The following MED16 variants were observed in gnomAD, a reference collection of about 807,000 sequenced individuals.
MED16 encodes mediator of RNA polymerase II transcription subunit 16.
Under a neutral mutation model 84.4 loss-of-function variants are expected in MED16, and 81 were observed. That is an observed-to-expected ratio of 0.96 (90% CI 0.80 to 1.15). MED16 has a LOEUF of 1.15. MED16 is among the 50% of genes most tolerant of loss of function. The probability of loss-of-function intolerance (pLI) is 0.00; values close to 1 mark genes in which losing one functional copy is unlikely to be tolerated. For missense variants in MED16, 1,585 were observed against 1,245.9 expected (o/e 1.27, Z -4.10); for synonymous variants, 897 against 552.2 (o/e 1.62, Z -8.76).
chr19:878,226 T>C (rs1161193853), intron 8 of MED16, among the ~76,000 whole-genome samples: 2 of 103,520 alleles, frequency 1.9e-5, no homozygotes, highest in African/African-American at 3.8e-5. Context: ...TGGTTGTCAA[T>C]GCCCACCAGC....
In MED16 at chr19:875,336, AG is replaced by A; in HGVS notation, c.1678del (p.Leu560Ter). On this transcript the variant is annotated frameshift_variant, in exon 10 of 16. Transcript: ENST00000325464. LOFTEE classifies it high-confidence loss of function. Reference sequence around the variant, plus strand: ...AAAGTGGGGGCGCAGCAGCGACTTCAGGGTGGAGCTGATGGCGATGAGGAAG... The same window carrying A: ...AAAGTGGGGGCGCAGCAGCGACTTCAGGTGGAGCTGATGGCGATGAGGAAG... ...KLFLIAISST[L>X]KSLLRPHFLN... 6.2e-7 allele frequency: 1 copy of A among 1,610,060 alleles called. No homozygotes were observed. The highest frequency in any genetic ancestry group is 8.5e-7 in the Non-Finnish European group (1 of 1,179,452).
chr19:877,095 T>C lies in MED16; in HGVS notation c.1439A>G (p.Tyr480Cys). The change falls in exon 9 of 16, where the codon TAC becomes TGC. Residue 480 changes from tyrosine (Y) to cysteine (C), a missense_variant. Coordinates refer to ENST00000325464, the MANE Select transcript of MED16 (RefSeq NM_005481.3). ...ALRHLLFLLE[Y>C]CMVTGYDWWD... ...CCAGTCGTAGCCGGTCACCATGCAG[T>C]ACTCCAGCAGGAAGAGCAGGTGCCG... The C allele has an allele frequency of 2.5e-6, 4 of 1,612,628 alleles. No homozygotes were observed. The highest frequency in any genetic ancestry group is 3.4e-6 in the Non-Finnish European group (4 of 1,179,888).
intron 13 of MED16, 78 bp from the exon 14 acceptor site, chr19:869,024 C>T (rs1010989059): frequency 3.9e-5 from 51 of 1,311,544 alleles, no homozygotes; most frequent in African/African-American, 2.0e-4. Context: ...TGTCCACAGG[C>T]GGGGGTGGAG....
In MED16 at chr19:875,464, G is replaced by A. The variant is rs763947153; in HGVS notation, c.1561-10C>T. 3.8e-6 allele frequency: 6 copies of A among 1,594,698 alleles called. No individual in the cohort carries two copies. In the African/African-American group the frequency reaches 6.7e-5, roughly 18 times the overall value. Reference sequence around the variant, plus strand: ...TCCGGGTGGAGAGGACCTGAGGGCAGGAAGCCAGGTCACCCCAAGGGGCCG... The same window carrying A: ...TCCGGGTGGAGAGGACCTGAGGGCAAGAAGCCAGGTCACCCCAAGGGGCCG... On this transcript the variant is annotated splice_polypyrimidine_tract_variant and intron_variant, in intron 9 of 15. Transcript: ENST00000325464.
At chr19:873,940 C>A (rs1378259100) in intron 10 of MED16, among the ~76,000 whole-genome samples, 1 of 152,124 alleles carries the variant, frequency 6.6e-6, no homozygotes, top group Non-Finnish European at 1.5e-5. Context: ...ATGTCCACAG[C>A]GTGCAGCTGC....
rs115005219 is a variant in MED16 at position 887,826 on chromosome 19, G to C, written c.448-1625C>G. Among the ~76,000 whole-genome samples, 3 of 152,152 alleles carry C rather than the reference G, an allele frequency of 2.0e-5. No individual in the cohort carries two copies. The East Asian group carries it at 5.8e-4, about 29-fold the overall frequency. On this transcript the variant is annotated intron_variant, in intron 4 of 15. Coordinates refer to ENST00000325464, the MANE Select transcript of MED16 (RefSeq NM_005481.3). The stretch of plus-strand genomic sequence containing the variant: ...AATGTCCAGGACAGGCAGATCCAGA[G>C]AGACAACTGGGTCTCGGGGGCTGGG...
rs770667975 is a variant in MED16, at chr19:877,021, C to G, written c.1513G>C (p.Glu505Gln). Residue 505 changes from glutamate to glutamine, a missense_variant, in exon 9 of 16, where the codon GAG (glutamate) becomes CAG (glutamine). Physicochemically the swap from Glu to Gln is conservative, Grantham distance 29. Coordinates refer to ENST00000325464, the MANE Select transcript of MED16 (RefSeq NM_005481.3). ...CGCGTGTACTCCTCGTGCAGCTTCT[C>G]CACCAGGCTCTGTACCATACTGGGC... is the stretch of plus-strand genomic sequence containing the variant. The part of the protein sequence containing the change: ...VQPSMVQSLV[E>Q]KLHEEYTRQT... 1 of 1,612,610 alleles carries G rather than the reference C, an allele frequency of 6.2e-7. No homozygotes were observed. Among genetic ancestry groups the G allele is most frequent in the Non-Finnish European group, 8.5e-7 (1 of 1,179,848 alleles).
intron 1 of MED16, 144 bp from the exon 2 acceptor site, chr19:891,293 G>C: frequency 1.3e-6 from 1 of 788,898 alleles, no homozygotes; most frequent in Non-Finnish European, 2.0e-6. Flanking sequence ...ACAGAGCCTG[G>C]GGCTGGGGCC....
intron 13 of MED16, 90 bp downstream of exon 13, chr19:870,947 A>G: frequency 7.7e-7 from 1 of 1,302,750 alleles, no homozygotes; most frequent in African/African-American, 1.6e-5. Flanking sequence ...CAGGACATGC[A>G]GGGAGGGAGC....
rs558089844 is a variant in MED16 at position 873,371 on chromosome 19, G to T, written c.1905+78C>A. ...GGCGGGGCTGAGGTGGTTTTGAGGG[G>T]CAGGGGCAGGGAAGCGGGGTCCTGA... On this transcript the variant is annotated intron_variant, in intron 11 of 15. Transcript: ENST00000325464. The T allele has an allele frequency of 1.2e-5, 18 of 1,459,400 alleles. No individual in the cohort carries two copies. The South Asian group carries it at 1.7e-4, about 14-fold the overall frequency. 90.4% of individuals were successfully genotyped at this position (1,459,400 alleles called of 1,614,324 possible).
chr19:888,464 C>CTG (rs1322637636), intron 4 of MED16, among the ~76,000 whole-genome samples: 1 of 148,294 alleles, frequency 6.7e-6, no homozygotes, highest in Admixed American at 6.9e-5. Flanking sequence ...GCAGAGGTTG[C>CTG]TGTGAGCCAA....
rs367734322 is a variant in MED16, at chr19:880,162, G to A, written c.1142-14C>T. 49 of 1,601,570 alleles carry A rather than the reference G, an allele frequency of 3.1e-5. No individual in the cohort carries two copies. Among genetic ancestry groups the A allele is most frequent in the Non-Finnish European group, 4.1e-5 (48 of 1,176,810 alleles). On this transcript the variant is annotated splice_polypyrimidine_tract_variant and intron_variant, in intron 7 of 15. Transcript: ENST00000325464. Reference sequence around the variant, plus strand: ...CCAGGGCCAGCCCTGTGGGGCACAGGCACTGCTTAGACATGGGCAGGGCCC... The same window carrying A: ...CCAGGGCCAGCCCTGTGGGGCACAGACACTGCTTAGACATGGGCAGGGCCC...
intron 14 of MED16, 139 bp from the exon 15 acceptor site, chr19:868,638 G>T: frequency 8.0e-7 from 1 of 1,247,450 alleles, no homozygotes; most frequent in Non-Finnish European, 1.1e-6. Context: ...CTGCCACAGG[G>T]CCTCTGCCCA....
chr19:889,508 G>A, intron 4 of MED16, 130 bp downstream of exon 4: 4 of 1,024,394 alleles, frequency 3.9e-6, no homozygotes, highest in East Asian at 5.3e-5. Context: ...CAGCCGGACT[G>A]CAGGTGGGAG....
chr19:868,184 C>G lies in MED16; in HGVS notation c.2551G>C (p.Val851Leu). 6.2e-7 allele frequency: 1 copy of G among 1,609,232 alleles called. No individual in the cohort carries two copies. Among genetic ancestry groups the G allele is most frequent in the Non-Finnish European group, 8.5e-7 (1 of 1,178,410 alleles). ...TGTGTGGACTGCGGGCCCAGCTGGA[C>G]AAAGGCAGGGGCTTCCTCAGAAGCT... Reference protein sequence around the residue: ...SRASEEAPAFVQLGPQSTHHS... With the variant: ...SRASEEAPAFLQLGPQSTHHS... Residue 851 changes from valine to leucine, a missense_variant, in exon 16 of 16, where the codon GTC (valine) becomes CTC (leucine). Coordinates refer to ENST00000325464, the MANE Select transcript of MED16 (RefSeq NM_005481.3).
At position 881,835 on chromosome 19, in the gene MED16, G is replaced by A. The variant is rs536209157; in HGVS notation, c.986-121C>T. ...CAGGGCCCTTCCCAGGTCTCATGCC[G>A]CCCTGCTCCCATGCCCAGAAGACCA... On this transcript the variant is annotated intron_variant, in intron 6 of 15. Coordinates refer to ENST00000325464, the MANE Select transcript of MED16 (RefSeq NM_005481.3). 6.0e-4 allele frequency: 723 copies of A among 1,198,090 alleles called. 8 individuals are homozygous for A. In the Middle Eastern group the frequency reaches 7.2e-3, roughly 12 times the overall value. 74.2% of individuals were successfully genotyped at this position (1,198,090 alleles called of 1,614,324 possible).
At chr19:873,035 G>A (rs1212431620) in intron 11 of MED16, 1 of 244,662 alleles carries the variant, frequency 4.1e-6, no homozygotes, top group South Asian at 9.3e-5. Context: ...GGGCTCCGAG[G>A]TGGGGCAGGG....
intron 7 of MED16, among the ~76,000 whole-genome samples, chr19:880,398 G>A (rs553998103): frequency 1.3e-5 from 2 of 152,354 alleles, no homozygotes; most frequent in East Asian, 3.9e-4. Flanking sequence ...CCTCCCAGCT[G>A]GGCCCATGTC....
chr19:891,253 G>A (rs995932073), intron 1 of MED16, 104 bp from the exon 2 acceptor site: 11 of 1,180,666 alleles, frequency 9.3e-6, no homozygotes, highest in African/African-American at 1.5e-5. Flanking sequence ...GTGGTAGAGG[G>A]AACAGCCGAT....
Sources: allele counts gnomAD v4.1 joint callset (sites outside exome capture counted in the v4.1 genomes callset), GRCh38; gene constraint gnomAD v4.1.1; transcripts MANE v1.5; gene names NCBI Gene and HGNC (gene_info 2026-07-23, HGNC 2026-07-21).